KLF12: variants seen among roughly 807,000 people sequenced by gnomAD.
The protein encoded by KLF12 is Krueppel-like factor 12.
In KLF12, 9 loss-of-function variants were observed where a neutral mutation model predicts 37.8. That is an observed-to-expected ratio of 0.24 (90% CI 0.14 to 0.42). The LOEUF (loss-of-function observed/expected upper bound fraction) is 0.42, where lower values mean the gene tolerates loss of function less well. Ranked by LOEUF, KLF12 falls within the 10% of genes least tolerant of loss-of-function variation. The pLI, the probability that KLF12 is intolerant of heterozygous loss-of-function variation, is 1.00. For missense variants in KLF12, 411 were observed against 516.0 expected, an observed-to-expected ratio of 0.80 and a Z score of 1.97; for synonymous variants, 208 against 202.1, an observed-to-expected ratio of 1.03 and a Z score of -0.25.
At chr13:74,013,570 G>C (rs892403311) in intron 1 of KLF12, among the ~76,000 whole-genome samples, 3 of 152,170 alleles carry the variant, frequency 2.0e-5, no homozygotes, top group African/African-American at 7.2e-5. Context: ...GCCAGTTCAT[G>C]ATATGTGTTG....
At chr13:73,839,262 T>G (rs1010643239) in intron 4 of KLF12, among the ~76,000 whole-genome samples, 1 of 149,206 alleles carries the variant, frequency 6.7e-6, no homozygotes, top group Non-Finnish European at 1.5e-5. Context: ...CTGGTTATTT[T>G]TTTTTTTTTT....
At chr13:73,914,988 C>G (rs1015566220) in intron 3 of KLF12, among the ~76,000 whole-genome samples, 2 of 152,130 alleles carry the variant, frequency 1.3e-5, no homozygotes, top group African/African-American at 4.8e-5. Context: ...TATTTTAATT[C>G]TGGAAGCCTG....
chr13:73,934,148 G>T (rs536408334), intron 3 of KLF12, among the ~76,000 whole-genome samples: 24 of 151,072 alleles, frequency 1.6e-4, no homozygotes, highest in East Asian at 1.2e-3. Context: ...AAATTGAGGG[G>T]TTTTTTTTTG....
chr13:74,192,299 A>G, the KLF12 span, among the ~76,000 whole-genome samples: 1 of 152,236 alleles, frequency 6.6e-6, no homozygotes, highest in Non-Finnish European at 1.5e-5. Context: ...TTTGCAAACT[A>G]TATTGAGTAT....
intron 1 of KLF12, among the ~76,000 whole-genome samples, chr13:74,036,230 G>C: frequency 6.6e-6 from 1 of 152,106 alleles, no homozygotes; most frequent in South Asian, 2.1e-4. Flanking sequence ...GGCCTATTTT[G>C]CATTGCTGGT....
the KLF12 span, among the ~76,000 whole-genome samples, chr13:74,243,993 G>T: frequency 6.6e-6 from 1 of 152,124 alleles, no homozygotes; most frequent in Non-Finnish European, 1.5e-5. Context: ...AACTGAATTT[G>T]CTTGCTTTTA....
chr13:73,992,920 A>G (rs1408673), intron 2 of KLF12, among the ~76,000 whole-genome samples: 101,509 of 152,108 alleles, frequency 0.67, 35,389 homozygotes, highest in East Asian at 0.83. Flanking sequence ...AAAATGTATG[A>G]AAAATCATTT....
chr13:74,087,228 A>G (rs1341545066), intron 1 of KLF12, among the ~76,000 whole-genome samples: 1 of 152,222 alleles, frequency 6.6e-6, no homozygotes, highest in Non-Finnish European at 1.5e-5. Flanking sequence ...AGATAGAAAC[A>G]CAAGGGACAA....
intron 2 of KLF12, among the ~76,000 whole-genome samples, chr13:73,950,867 A>C (rs1354430636): frequency 6.6e-6 from 1 of 152,158 alleles, no homozygotes; most frequent in Non-Finnish European, 1.5e-5. Context: ...TTTCTGGGAG[A>C]TGAGGCTAGC....
chr13:73,925,776 T>C (rs548930340), intron 3 of KLF12, among the ~76,000 whole-genome samples: 1 of 152,152 alleles, frequency 6.6e-6, no homozygotes, highest in Non-Finnish European at 1.5e-5. Context: ...CTGTGATTCA[T>C]GGGAGGAGGT....
At chr13:74,209,749 T>C in the KLF12 span, among the ~76,000 whole-genome samples, 1 of 152,206 alleles carries the variant, frequency 6.6e-6, no homozygotes, top group East Asian at 1.9e-4. Flanking sequence ...TTACATCATA[T>C]ATGTGAAGTG....
At chr13:73,843,737 A>G (rs1377781205) in intron 4 of KLF12, among the ~76,000 whole-genome samples, 1 of 152,234 alleles carries the variant, frequency 6.6e-6, no homozygotes, top group Non-Finnish European at 1.5e-5. Flanking sequence ...TATAAGTGAC[A>G]GAGCTAGGGT....
intron 1 of KLF12, among the ~76,000 whole-genome samples, chr13:74,078,620 G>T (rs1874704581): frequency 6.6e-6 from 1 of 152,180 alleles, no homozygotes; most frequent in Non-Finnish European, 1.5e-5. Flanking sequence ...TGTGTGAGCT[G>T]CTCAACTGTA....
At chr13:74,086,344 C>G (rs2138790501) in intron 1 of KLF12, among the ~76,000 whole-genome samples, 1 of 148,248 alleles carries the variant, frequency 6.7e-6, no homozygotes, top group South Asian at 2.2e-4. Flanking sequence ...GTTCAGTTCC[C>G]ATCTATGAGT....
At position 73,687,210 on chromosome 13, in the gene KLF12, A is replaced by G. The variant is rs1873544498; in HGVS notation, c.*8280T>C. 6.6e-6 allele frequency: 1 copy of G among 152,640 alleles called. No homozygotes were observed. The highest frequency in any genetic ancestry group is 2.4e-5 in the African/African-American group (1 of 41,452). The allele number at this position is 152,640 out of a possible 1,614,324, so 9.5% of individuals were successfully genotyped here. A position where few individuals can be genotyped will look rare whatever the true frequency, so the allele number is the denominator to read the frequency against. ...CATAATTGCATTATGATGCAGGATG[A>G]CATAATACATAAGACGATGTTTTCA... On this transcript the variant is annotated 3_prime_UTR_variant, in exon 8 of 8. Transcript: ENST00000377669.
chr13:73,849,884 T>C (rs1885243444), intron 3 of KLF12, among the ~76,000 whole-genome samples: 1 of 152,292 alleles, frequency 6.6e-6, no homozygotes, highest in Non-Finnish European at 1.5e-5. Flanking sequence ...TTGATGTCCC[T>C]GGTATGAAAG....
intron 5 of KLF12, among the ~76,000 whole-genome samples, chr13:73,773,179 G>A (rs141771348): frequency 1.3e-5 from 2 of 152,130 alleles, no homozygotes; most frequent in South Asian, 4.2e-4. Context: ...TAAATCATAG[G>A]TGAGCCCTGA....
chr13:74,088,515 A>G (rs916098610), intron 1 of KLF12, among the ~76,000 whole-genome samples: 3 of 152,184 alleles, frequency 2.0e-5, no homozygotes, highest in Non-Finnish European at 2.9e-5. Context: ...GGCATAAGCC[A>G]CCGTGCCGAG....
chr13:74,018,422 G>C (rs935618760), intron 1 of KLF12, among the ~76,000 whole-genome samples: 4 of 152,104 alleles, frequency 2.6e-5, no homozygotes, highest in Non-Finnish European at 5.9e-5. Flanking sequence ...CTGTATTCTT[G>C]AAAAATACTA....
Sources: gnomAD v4.1 joint callset for allele counts (sites outside exome capture counted in the v4.1 genomes callset) on GRCh38, gnomAD v4.1.1 for gene constraint, MANE v1.5 for transcripts, NCBI Gene and HGNC (gene_info 2026-07-23, HGNC 2026-07-21) for gene names.